The following CSMD1 variants were observed in gnomAD, a reference collection of about 807,000 sequenced individuals.
The protein encoded by CSMD1 is CUB and sushi domain-containing protein 1.
CSMD1 carries 213 observed loss-of-function variants against 417.5 expected under a neutral mutation model. That is an observed-to-expected ratio of 0.51 (90% confidence interval 0.46 to 0.57). The LOEUF is 0.57. Ranked by LOEUF, CSMD1 falls within the 20% of genes least tolerant of loss-of-function variation. CSMD1 has a pLI of 0.00. For synonymous variants in CSMD1, 2,862 were observed against 1,736.8 expected (o/e 1.65, Z -16.11); for missense variants, 6,923 against 4,529.7 (o/e 1.53, Z -15.17).
chr8:3,630,960 GA>G (rs989163306), intron 7 of CSMD1, among the ~76,000 whole-genome samples: 3 of 152,196 alleles, frequency 2.0e-5, no homozygotes, highest in African/African-American at 7.2e-5. Flanking sequence ...AGATGAGACT[GA>G]AAAGCATGGG....
Position 4,850,382 on chromosome 8 carries a change from C to CTTTTTTT in CSMD1, c.85+143943_85+143949dup. On this transcript the variant is annotated intron_variant, in intron 1 of 69. Transcript: ENST00000635120. ...TTTATTTTGATGAAATCCAATTTATCTTTTTTTTTTTTTTTTTTTTTTTGC... is the reference window on the plus strand; with the variant it reads ...TTTATTTTGATGAAATCCAATTTATCTTTTTTTTTTTTTTTTTTTTTTTTTTTTTTGC... 2.4e-3 allele frequency among the ~76,000 whole-genome samples: 188 copies of CTTTTTTT among 77,758 alleles called. 1 individual carries two copies. Among genetic ancestry groups the CTTTTTTT allele is most frequent in the African/African-American group, 3.5e-3 (67 of 19,170 alleles). 51.0% of individuals were successfully genotyped at this position (77,758 alleles called of 152,430 possible). A position where few individuals can be genotyped will look rare whatever the true frequency, so the allele number is the denominator to read the frequency against.
rs1563064059 is a variant in CSMD1, at chr8:3,772,364, C to CATATATTT, written c.819-18323_819-18322insAAATATAT. Among the ~76,000 whole-genome samples the CATATATTT allele has an allele frequency of 4.6e-5, 5 of 107,560 alleles. 1 individual carries two copies. The highest frequency in any genetic ancestry group is 9.6e-5 in the Non-Finnish European group (5 of 52,274). The allele number at this position is 107,560 out of a possible 152,430, so 70.6% of individuals were successfully genotyped here. On this transcript the variant is annotated intron_variant, in intron 5 of 69. Transcript: ENST00000635120. The stretch of plus-strand genomic sequence containing the variant: ...ACATATATACATATATTTATATATA[C>CATATATTT]ATATATACATATATTCATATATTTA...
chr8:3,154,865 ATC>A (rs1366556305), intron 39 of CSMD1, among the ~76,000 whole-genome samples: 1 of 152,180 alleles, frequency 6.6e-6, no homozygotes, highest in Non-Finnish European at 1.5e-5. Flanking sequence ...GTAAAATATT[ATC>A]TCTCTATGGA....
chr8:4,349,052 T>G (rs570004751), intron 3 of CSMD1, among the ~76,000 whole-genome samples: 1 of 152,320 alleles, frequency 6.6e-6, no homozygotes, highest in Non-Finnish European at 1.5e-5. Flanking sequence ...GCTAATTTAG[T>G]TAGAAATTAT....
intron 7 of CSMD1, among the ~76,000 whole-genome samples, chr8:3,670,576 G>A (rs528973969): frequency 9.2e-4 from 101 of 110,004 alleles, no homozygotes; most frequent in East Asian, 6.1e-3. Context: ...ATATATATAT[G>A]GGATATATAT....
chr8:3,053,571 G>C (rs796647936), intron 49 of CSMD1, among the ~76,000 whole-genome samples: 7 of 152,264 alleles, frequency 4.6e-5, no homozygotes, highest in African/African-American at 1.7e-4. Flanking sequence ...ATCTAGTGGG[G>C]ATGTGGACCG....
In CSMD1 at chr8:3,681,477, T is replaced by C. The variant is rs191906828; in HGVS notation, c.1009+26937A>G. 2.2e-3 allele frequency among the ~76,000 whole-genome samples: 331 copies of C among 152,246 alleles called. 3 individuals carry two copies. The highest frequency in any genetic ancestry group is 1.8e-3 in the Non-Finnish European group (122 of 68,024). On this transcript the variant is annotated intron_variant, in intron 7 of 69. Coordinates refer to ENST00000635120, the MANE Select transcript of CSMD1 (RefSeq NM_033225.6). ...GAATAAAATACCTAGGAATCCAGCT[T>C]ACAAGGGATGTGAAGGACCTCTTCA...
intron 26 of CSMD1, among the ~76,000 whole-genome samples, chr8:3,237,820 C>CTATAAATATAATTTTTATAATTA (rs1563171807): frequency 9.5e-5 from 10 of 104,790 alleles, no homozygotes; most frequent in African/African-American, 3.1e-4. Context: ...TATACTTATA[C>CTATAAATATAATTTTTATAATTA]TACAAGTATA....
intron 10 of CSMD1, among the ~76,000 whole-genome samples, chr8:3,517,046 C>G (rs956820309): frequency 2.0e-5 from 3 of 152,100 alleles, no homozygotes; most frequent in East Asian, 1.9e-4. Flanking sequence ...GGTGTCAGAT[C>G]AAGGGGACAC....
chr8:3,846,824 C>A (rs1041839305), intron 5 of CSMD1, among the ~76,000 whole-genome samples: 35 of 152,038 alleles, frequency 2.3e-4, no homozygotes, highest in Non-Finnish European at 5.1e-4. Flanking sequence ...CAGGTGCCTG[C>A]CACCACGTCT....
chr8:4,347,463 C>T (rs1377735204), intron 3 of CSMD1, among the ~76,000 whole-genome samples: 1 of 152,106 alleles, frequency 6.6e-6, no homozygotes, highest in East Asian at 1.9e-4. Flanking sequence ...TATACCACAT[C>T]TATGAAGAAG....
intron 5 of CSMD1, among the ~76,000 whole-genome samples, chr8:3,970,069 T>G (rs1356456300): frequency 6.6e-6 from 1 of 152,234 alleles, no homozygotes; most frequent in African/African-American, 2.4e-5. Flanking sequence ...AAGTAGTCTA[T>G]GTTAGGTGCT....
intron 3 of CSMD1, among the ~76,000 whole-genome samples, chr8:4,355,858 G>C (rs950479521): frequency 6.6e-6 from 1 of 152,228 alleles, no homozygotes. Context: ...GAGCTTTGGA[G>C]GATGGGAACC....
intron 2 of CSMD1, among the ~76,000 whole-genome samples, chr8:4,444,478 G>A (rs1035292273): frequency 1.3e-5 from 2 of 151,228 alleles, no homozygotes; most frequent in Non-Finnish European, 2.9e-5. Context: ...GACATAAGCA[G>A]TCGCATTCAA....
chr8:3,099,030 C>A (rs935513285), intron 46 of CSMD1, among the ~76,000 whole-genome samples: 4 of 151,982 alleles, frequency 2.6e-5, no homozygotes, highest in African/African-American at 9.7e-5. Flanking sequence ...GACACTCCCC[C>A]CAAACCCCTC....
At chr8:2,976,014 C>G (rs981707938) in intron 55 of CSMD1, among the ~76,000 whole-genome samples, 1 of 152,110 alleles carries the variant, frequency 6.6e-6, no homozygotes, top group Non-Finnish European at 1.5e-5. Context: ...ATGAAAAATT[C>G]CCATGTGTGA....
chr8:3,132,426 T>G (rs960265049), intron 41 of CSMD1, among the ~76,000 whole-genome samples: 5 of 152,146 alleles, frequency 3.3e-5, no homozygotes, highest in African/African-American at 1.2e-4. Context: ...TATAAAATAC[T>G]ACAATAATGT....
intron 5 of CSMD1, among the ~76,000 whole-genome samples, chr8:3,922,007 T>C (rs568991980): frequency 2.0e-5 from 3 of 152,254 alleles, no homozygotes; most frequent in African/African-American, 4.8e-5. Flanking sequence ...TGTTAATATA[T>C]TGTTTTCTAT....
intron 1 of CSMD1, among the ~76,000 whole-genome samples, chr8:4,944,547 A>C (rs1808235635): frequency 6.6e-6 from 1 of 152,206 alleles, no homozygotes; most frequent in Non-Finnish European, 1.5e-5. Flanking sequence ...TACTAAAAGG[A>C]GTCTACAGTC....
Sources: allele counts gnomAD v4.1 joint callset (sites outside exome capture counted in the v4.1 genomes callset), GRCh38; gene constraint gnomAD v4.1.1; transcripts MANE v1.5; gene names NCBI Gene and HGNC (gene_info 2026-07-23, HGNC 2026-07-21).